The following TTC21B variants were observed in gnomAD, a reference collection of about 807,000 sequenced individuals.
The protein encoded by TTC21B is tetratricopeptide repeat domain 21B.
A neutral mutation model predicts 175.1 loss-of-function variants in TTC21B; 127 were observed. The observed-to-expected ratio is 0.73, with a 90% CI of 0.63 to 0.84. The LOEUF (loss-of-function observed/expected upper bound fraction) is 0.84, where lower values mean the gene tolerates loss of function less well. Among genes scored for constraint, TTC21B ranks in the 40% least tolerant of loss-of-function variants. The pLI is 0.00. For missense variants in TTC21B, 1,561 were observed against 1,558.3 expected (o/e 1.00, Z -0.03); for synonymous variants, 524 against 524.5 (o/e 1.00, Z 0.01).
chr2:165,876,687 T>C (rs1405454611), intron 27 of TTC21B, among the ~76,000 whole-genome samples: 4 of 152,180 alleles, frequency 2.6e-5, no homozygotes, highest in African/African-American at 9.7e-5. Flanking sequence ...TTTAAAATAA[T>C]TGCATGAGTA....
chr2:165,953,371 G>T (rs1687819180), intron 1 of TTC21B, among the ~76,000 whole-genome samples: 1 of 152,158 alleles, frequency 6.6e-6, no homozygotes, highest in African/African-American at 2.4e-5. Context: ...ACCCGGAGGC[G>T]CAGTGTCATA....
chr2:165,900,073 A>AC (rs1465228744), intron 20 of TTC21B, among the ~76,000 whole-genome samples, 193 bp from the exon 21 acceptor site: 2 of 151,884 alleles, frequency 1.3e-5, no homozygotes, highest in Non-Finnish European at 2.9e-5. Context: ...AGAAAAAAAA[A>AC]AAACAGAGAA....
chr2:165,910,842 G>A (rs897153989), intron 18 of TTC21B, among the ~76,000 whole-genome samples: 3 of 152,048 alleles, frequency 2.0e-5, no homozygotes, highest in Admixed American at 1.3e-4. Flanking sequence ...TAACAGTTTC[G>A]CACAGGAAAA....
chr2:165,890,382 T>C (rs926082313), intron 24 of TTC21B, 97 bp downstream of exon 24: 2 of 1,137,900 alleles, frequency 1.8e-6, no homozygotes, highest in East Asian at 2.5e-5. Flanking sequence ...TGACCTTTCA[T>C]TATTGCTATC....
intron 4 of TTC21B, among the ~76,000 whole-genome samples, chr2:165,944,149 C>T (rs556093311): frequency 1.9e-4 from 29 of 152,192 alleles, no homozygotes; most frequent in African/African-American, 6.7e-4. Flanking sequence ...TAACTATTGT[C>T]TCTGTGTGGA....
chr2:165,899,859 A>G lies in TTC21B; in HGVS notation c.2779T>C (p.Leu927=). The G allele has an allele frequency of 6.2e-7, 1 of 1,613,114 alleles. No individual in the cohort carries two copies. The highest frequency in any genetic ancestry group is 1.3e-5 in the African/African-American group (1 of 74,800). ...TCAGGGTCATCTTGTGCCAGGTATAATCGTGCCAGTTCCAACATAATCTGT... is the reference window on the plus strand; with the variant it reads ...TCAGGGTCATCTTGTGCCAGGTATAGTCGTGCCAGTTCCAACATAATCTGT... ...DNKIMLELAR[L]YLAQDDPDSC... Residue 927 remains leucine (L), a synonymous_variant, in exon 21 of 29, where the codon TTA becomes CTA. Coordinates refer to ENST00000243344, the MANE Select transcript of TTC21B (RefSeq NM_024753.5).
At chr2:165,879,854 G>A (rs1684783874) in intron 27 of TTC21B, 1 of 152,184 alleles carries the variant, frequency 6.6e-6, no homozygotes, top group Non-Finnish European at 1.5e-5. Flanking sequence ...ACAGCAACAA[G>A]GAAGATGAGA....
At chr2:165,901,386 T>G (rs1018239617) in intron 20 of TTC21B, among the ~76,000 whole-genome samples, 2 of 152,118 alleles carry the variant, frequency 1.3e-5, no homozygotes, top group East Asian at 1.9e-4. Flanking sequence ...TGGCGCGATC[T>G]TGGGTCACTG....
At chr2:165,903,096 A>C (rs995864083) in intron 19 of TTC21B, among the ~76,000 whole-genome samples, 12 of 152,220 alleles carry the variant, frequency 7.9e-5, no homozygotes, top group Admixed American at 7.9e-4. Flanking sequence ...ATGAAAGAGA[A>C]AGTGGAACAA....
chr2:165,887,096 T>C (rs1210962292), intron 25 of TTC21B, among the ~76,000 whole-genome samples: 1 of 152,136 alleles, frequency 6.6e-6, no homozygotes, highest in Non-Finnish European at 1.5e-5. Flanking sequence ...GTTGCAGGTC[T>C]CCCAAACCCC....
chr2:165,926,565 A>G (rs531490124), intron 11 of TTC21B, among the ~76,000 whole-genome samples: 27 of 152,026 alleles, frequency 1.8e-4, no homozygotes, highest in Non-Finnish European at 3.5e-4. Flanking sequence ...CCATATTTTC[A>G]CATGTTCTGT....
At chr2:165,877,822 A>G (rs1684716141) in intron 27 of TTC21B, among the ~76,000 whole-genome samples, 1 of 152,208 alleles carries the variant, frequency 6.6e-6, no homozygotes, top group Admixed American at 6.5e-5. Flanking sequence ...CACATCTCAG[A>G]TTTTAGACAA....
Position 165,899,842 on chromosome 2 carries a change from A to C in TTC21B, c.2796T>G (p.Asp932Glu). ...LELARLYLAQDDPDSCLRQCA... is the reference protein window; with the variant it reads ...LELARLYLAQEDPDSCLRQCA... ...ACTGCCGCAGGCAGGAATCAGGGTCATCTTGTGCCAGGTATAATCGTGCCA... is the reference window on the plus strand; with the variant it reads ...ACTGCCGCAGGCAGGAATCAGGGTCCTCTTGTGCCAGGTATAATCGTGCCA... Residue 932 changes from aspartate (D) to glutamate (E), a missense_variant, in exon 21 of 29, where the codon GAT becomes GAG. Asp to Glu is a conservative substitution (Grantham distance 45). Transcript: ENST00000243344. The C allele has an allele frequency of 3.1e-6, 5 of 1,614,064 alleles. No homozygotes were observed. The highest frequency in any genetic ancestry group is 4.2e-6 in the Non-Finnish European group (5 of 1,179,922).
At chr2:165,932,657 T>C (rs1686956255) in intron 7 of TTC21B, among the ~76,000 whole-genome samples, 1 of 152,026 alleles carries the variant, frequency 6.6e-6, no homozygotes, top group African/African-American at 2.4e-5. Flanking sequence ...CTAGTTACAT[T>C]ACGTATCTAG....
chr2:165,885,091 A>T (rs1684959501), intron 25 of TTC21B, among the ~76,000 whole-genome samples: 1 of 152,220 alleles, frequency 6.6e-6, no homozygotes, highest in Non-Finnish European at 1.5e-5. Context: ...TCAAGGCCAC[A>T]GTGAGTTATG....
Position 165,943,213 on chromosome 2 carries a change from A to G in TTC21B, c.552+6T>C. ...ACATGATTTATTTACCCTAACTCCAACTCACCTTACCCAGCAGAGCAAAAG... is the reference window on the plus strand; with the variant it reads ...ACATGATTTATTTACCCTAACTCCAGCTCACCTTACCCAGCAGAGCAAAAG... On this transcript the variant is annotated splice_donor_region_variant and intron_variant, in intron 5 of 28. Transcript: ENST00000243344. 1 of 1,613,386 alleles carries G rather than the reference A, an allele frequency of 6.2e-7. No homozygotes were observed. The highest frequency in any genetic ancestry group is 1.1e-5 in the South Asian group (1 of 91,066).
chr2:165,932,003 A>G (rs1686928222), intron 7 of TTC21B, 147 bp from the exon 8 acceptor site: 1 of 642,630 alleles, frequency 1.6e-6, no homozygotes, highest in Admixed American at 2.5e-5. Context: ...ATGGATGATT[A>G]TATGTTATAA....
intron 27 of TTC21B, among the ~76,000 whole-genome samples, chr2:165,878,706 G>A (rs1479480045): frequency 1.4e-5 from 2 of 138,760 alleles, no homozygotes; most frequent in Non-Finnish European, 1.5e-5. Context: ...TTTTGAGACA[G>A]AGTCTCACTC....
At chr2:165,931,705 T>A (rs1686912807) in intron 8 of TTC21B, 53 bp downstream of exon 8, 1 of 1,452,852 alleles carries the variant, frequency 6.9e-7, no homozygotes. Context: ...TCCACTTATT[T>A]TATGTCCTCT....
Sources: gnomAD v4.1 joint callset for allele counts (sites outside exome capture counted in the v4.1 genomes callset) on GRCh38, gnomAD v4.1.1 for gene constraint, MANE v1.5 for transcripts, NCBI Gene and HGNC (gene_info 2026-07-23, HGNC 2026-07-21) for gene names.